The following MEOX2 variants were observed in gnomAD, a reference collection of about 807,000 sequenced individuals.
The protein encoded by MEOX2 is homeobox protein MOX-2.
Under a neutral mutation model 27.0 loss-of-function variants are expected in MEOX2, and 11 were observed. That is an observed-to-expected ratio of 0.41 (90% CI 0.26 to 0.68). The LOEUF (loss-of-function observed/expected upper bound fraction) is 0.68. Ranked by LOEUF, MEOX2 falls within the 30% of genes least tolerant of loss-of-function variation. The pLI is 0.33. For missense variants in MEOX2, 436 were observed against 385.4 expected, an observed-to-expected ratio of 1.13 and a Z score of -1.10; for synonymous variants, 189 against 155.4, an observed-to-expected ratio of 1.22 and a Z score of -1.61.
intron 1 of MEOX2, among the ~76,000 whole-genome samples, chr7:15,628,761 T>C (rs921434141): frequency 2.6e-5 from 4 of 152,110 alleles, no homozygotes; most frequent in Admixed American, 2.0e-4. Flanking sequence ...GCTACAGATA[T>C]GTCAGCATCC....
At chr7:15,677,309 T>C (rs1274784578) in intron 1 of MEOX2, among the ~76,000 whole-genome samples, 1 of 152,220 alleles carries the variant, frequency 6.6e-6, no homozygotes, top group Admixed American at 6.5e-5. Context: ...GCTTTGTGTA[T>C]ATTAACTCAA....
intron 1 of MEOX2, among the ~76,000 whole-genome samples, chr7:15,642,060 C>T (rs1781570440): frequency 6.6e-6 from 1 of 152,104 alleles, no homozygotes; most frequent in Admixed American, 6.6e-5. Context: ...TTCATGTTGA[C>T]ATTGGATAGC....
chr7:15,619,997 T>C (rs1781194805), intron 2 of MEOX2, among the ~76,000 whole-genome samples: 2 of 152,056 alleles, frequency 1.3e-5, no homozygotes, highest in Non-Finnish European at 2.9e-5. Flanking sequence ...GTGTGGAAGC[T>C]GAAGTAGTTT....
chr7:15,641,275 C>T (rs1210830529), intron 1 of MEOX2, among the ~76,000 whole-genome samples: 1 of 152,022 alleles, frequency 6.6e-6, no homozygotes, highest in Non-Finnish European at 1.5e-5. Flanking sequence ...GAAATGTATT[C>T]ATTTGGGTTG....
intron 1 of MEOX2, chr7:15,668,392 A>T (rs1028287396): frequency 6.6e-6 from 1 of 152,238 alleles, no homozygotes; most frequent in African/African-American, 2.4e-5. Context: ...TACATATAAC[A>T]TTAAAAATGT....
intron 1 of MEOX2, among the ~76,000 whole-genome samples, chr7:15,675,843 G>A (rs1380958939): frequency 6.6e-6 from 1 of 152,064 alleles, no homozygotes; most frequent in Non-Finnish European, 1.5e-5. Context: ...TCTTCTTCCT[G>A]TACTCTTCTA....
At chr7:15,678,585 G>A (rs548590110) in intron 1 of MEOX2, among the ~76,000 whole-genome samples, 1 of 152,108 alleles carries the variant, frequency 6.6e-6, no homozygotes, top group Non-Finnish European at 1.5e-5. Flanking sequence ...TAGTTTTTTG[G>A]GTGGCTAAGA....
Position 15,619,088 on chromosome 7 carries a change from GTT to G in MEOX2, c.691-6479_691-6478del, listed in dbSNP as rs564099672. Among the ~76,000 whole-genome samples the G allele has an allele frequency of 1.9e-4, 29 of 151,958 alleles. No homozygotes were observed. In the East Asian group the frequency reaches 5.4e-3, roughly 28 times the overall value. On this transcript the variant is annotated intron_variant, in intron 2 of 2. Transcript: ENST00000262041. ...AAATTGTCAGTTCTCTTAGGCCTGGGTTTATTATTGTATAGATGTCACAGAAC... is the reference window on the plus strand; with the variant it reads ...AAATTGTCAGTTCTCTTAGGCCTGGGTATTATTGTATAGATGTCACAGAAC...
chr7:15,642,696 C>T (rs952188731), intron 1 of MEOX2, among the ~76,000 whole-genome samples: 18 of 152,138 alleles, frequency 1.2e-4, no homozygotes, highest in African/African-American at 4.3e-4. Flanking sequence ...CTTCATGGTG[C>T]TAGAATTATT....
rs545956351 is a variant in MEOX2 at position 15,675,681 on chromosome 7, T to G, written c.517+10205A>C. Among the ~76,000 whole-genome samples the G allele has an allele frequency of 2.0e-5, 3 of 152,308 alleles. No homozygotes were observed. In the South Asian group the frequency reaches 6.2e-4, roughly 32 times the overall value. ...CTTCTAGTGTCTTGATTATTTTGAT[T>G]CTAATCATCTGTTTAAATATTACAG... On this transcript the variant is annotated intron_variant, in intron 1 of 2. Transcript: ENST00000262041.
intron 2 of MEOX2, among the ~76,000 whole-genome samples, chr7:15,619,235 A>AT (rs1321970249): frequency 3.9e-5 from 6 of 151,974 alleles, no homozygotes; most frequent in Non-Finnish European, 8.8e-5. Context: ...CAGTTTTAGA[A>AT]TTTTTTTTAA....
chr7:15,676,019 G>T (rs1314338719), intron 1 of MEOX2: 1 of 152,124 alleles, frequency 6.6e-6, no homozygotes, highest in African/African-American at 2.4e-5. Context: ...TTATTCAAAA[G>T]GCACTGTAGA....
chr7:15,635,705 C>A (rs767730469), intron 1 of MEOX2, among the ~76,000 whole-genome samples: 3 of 149,944 alleles, frequency 2.0e-5, no homozygotes, highest in African/African-American at 4.9e-5. Flanking sequence ...TTAAAATGGA[C>A]CTCAATCTAA....
intron 1 of MEOX2, among the ~76,000 whole-genome samples, chr7:15,631,405 TA>T (rs995751749): frequency 2.0e-5 from 3 of 151,922 alleles, no homozygotes; most frequent in African/African-American, 4.8e-5. Context: ...GAAGATAGAT[TA>T]TTTTTTATTA....
chr7:15,651,989 A>T (rs1211312867), intron 1 of MEOX2, among the ~76,000 whole-genome samples: 1 of 152,030 alleles, frequency 6.6e-6, no homozygotes, highest in Non-Finnish European at 1.5e-5. Context: ...GAACCATTCA[A>T]TGATTAACTC....
At chr7:15,633,938 T>C (rs1203609863) in intron 1 of MEOX2, among the ~76,000 whole-genome samples, 2 of 151,952 alleles carry the variant, frequency 1.3e-5, no homozygotes, top group Non-Finnish European at 2.9e-5. Flanking sequence ...CATAGAAATT[T>C]AACTGACCTT....
In MEOX2 at chr7:15,686,551, C is replaced by T. The variant is rs368710293; in HGVS notation, c.-149G>A. 6 of 717,884 alleles carry T rather than the reference C, an allele frequency of 8.4e-6. No individual in the cohort carries two copies. The highest frequency in any genetic ancestry group is 5.8e-5 in the South Asian group (3 of 51,530). 44.5% of individuals were successfully genotyped at this position (717,884 alleles called of 1,614,324 possible). On this transcript the variant is annotated 5_prime_UTR_variant, in exon 1 of 3. Coordinates refer to ENST00000262041, the MANE Select transcript of MEOX2 (RefSeq NM_005924.5). ...CACTTCTGCAGAGCTCGGATAATCC[C>T]GGTCCTGAGCCCCAGCGGCCAGTCT...
chr7:15,615,486 T>C (rs1444468640), intron 2 of MEOX2, among the ~76,000 whole-genome samples: 1 of 152,082 alleles, frequency 6.6e-6, no homozygotes, highest in East Asian at 1.9e-4. Flanking sequence ...ATCATTCAGG[T>C]AATTCTCCCA....
At chr7:15,676,784 G>A (rs1160994426) in intron 1 of MEOX2, among the ~76,000 whole-genome samples, 1 of 151,764 alleles carries the variant, frequency 6.6e-6, no homozygotes, top group Middle Eastern at 3.4e-3. Flanking sequence ...CTTGAACCCG[G>A]ACAGCAGAGG....
Sources: allele counts gnomAD v4.1 joint callset (sites outside exome capture counted in the v4.1 genomes callset), GRCh38; gene constraint gnomAD v4.1.1; transcripts MANE v1.5; gene names NCBI Gene and HGNC (gene_info 2026-07-23, HGNC 2026-07-21).